BCL11B: variants seen among roughly 807,000 people sequenced by gnomAD.
The protein encoded by BCL11B is B-cell lymphoma/leukemia 11B.
A neutral mutation model predicts 49.9 loss-of-function variants in BCL11B; 8 were observed. That is an observed-to-expected ratio of 0.16 (90% CI 0.09 to 0.29). The LOEUF (loss-of-function observed/expected upper bound fraction) is 0.29, where lower values mean the gene tolerates loss of function less well. BCL11B is among the 10% of genes least tolerant of loss of function. BCL11B has a pLI of 1.00. For missense variants in BCL11B, 1,006 were observed against 1,351.0 expected (o/e 0.74, Z 4.00); for synonymous variants, 739 against 637.4 (o/e 1.16, Z -2.40).
At chr14:99,180,055 C>T (rs1886656527) in intron 3 of BCL11B, among the ~76,000 whole-genome samples, 1 of 152,280 alleles carries the variant, frequency 6.6e-6, no homozygotes, top group East Asian at 1.9e-4. Flanking sequence ...TGACTGGGGG[C>T]TGGCCCACTC....
intron 3 of BCL11B, among the ~76,000 whole-genome samples, chr14:99,221,527 C>A (rs1888008053): frequency 6.6e-6 from 1 of 152,232 alleles, no homozygotes; most frequent in African/African-American, 2.4e-5. Flanking sequence ...CACAAGCTCA[C>A]TCCTCTCCCT....
At chr14:99,200,905 C>T (rs1423014791) in intron 3 of BCL11B, among the ~76,000 whole-genome samples, 1 of 152,186 alleles carries the variant, frequency 6.6e-6, no homozygotes, top group African/African-American at 2.4e-5. Flanking sequence ...GGAAGCAGCC[C>T]CCCAGTGGTC....
rs557974242 is a variant in BCL11B at position 99,257,334 on chromosome 14, A to C, written c.427+137T>G. The C allele has an allele frequency of 2.2e-5, 27 of 1,213,722 alleles. No individual in the cohort carries two copies. In the South Asian group the frequency reaches 4.8e-4, roughly 22 times the overall value. 75.2% of individuals were successfully genotyped at this position (1,213,722 alleles called of 1,614,324 possible). ...TCACCTGGATGGTGGACCCTCAGAA[A>C]GGGGGAGCCCCGGCTGGTGGCCCAG... On this transcript the variant is annotated intron_variant, in intron 2 of 3. Transcript: ENST00000357195. This position sits in a 1 kb window ranked among gnomAD's most constrained non-coding sequence, Gnocchi z 6.2.
chr14:99,208,607 C>T (rs367554283), intron 3 of BCL11B, among the ~76,000 whole-genome samples: 38 of 152,326 alleles, frequency 2.5e-4, no homozygotes, highest in African/African-American at 8.7e-4. Flanking sequence ...AGGGGGCCTT[C>T]AGGTTCCCTT....
chr14:99,212,706 G>A lies in BCL11B; in HGVS notation c.640+18639C>T, dbSNP rs546526911. ...ACTTCCCAGAGAACAACCCCTCCAC[G>A]CCCCACCCCCAGGAGCTGAAGCTGG... On this transcript the variant is annotated intron_variant, in intron 3 of 3. Transcript: ENST00000357195. Among the ~76,000 whole-genome samples, 13 of 152,138 alleles carry A rather than the reference G, an allele frequency of 8.5e-5. No homozygotes were observed. In the East Asian group the frequency reaches 2.5e-3, roughly 30 times the overall value.
Position 99,172,925 on chromosome 14 carries a change from A to C in BCL11B, c.*1226T>G, listed in dbSNP as rs1465670273. 1 of 228,508 alleles carries C rather than the reference A, an allele frequency of 4.4e-6. No individual in the cohort carries two copies. The highest frequency in any genetic ancestry group is 2.2e-5 in the African/African-American group (1 of 45,018). The allele number at this position is 228,508 out of a possible 1,614,324, so 14.2% of individuals were successfully genotyped here. Reference sequence around the variant, plus strand: ...TCCCCTGCTTTTTCAGTAAAAGAGAATAGAAATTTGCAAGATCCCCACCCC... The same window carrying C: ...TCCCCTGCTTTTTCAGTAAAAGAGACTAGAAATTTGCAAGATCCCCACCCC... On this transcript the variant is annotated 3_prime_UTR_variant, in exon 4 of 4. Transcript: ENST00000357195.
In BCL11B at chr14:99,174,747, G is replaced by A. The variant is rs145319589; in HGVS notation, c.2089C>T (p.Pro697Ser). The change falls in exon 4 of 4, where the codon CCG becomes TCG. Residue 697 changes from proline (P) to serine (S), a missense_variant. This residue lies in a region of BCL11B where 443 missense variants were observed against 499.7 expected (regional missense o/e 0.89). Coordinates refer to ENST00000357195, the MANE Select transcript of BCL11B (RefSeq NM_138576.4). ...RIKVEKDLEL[P>S]PAALIPSENV... ...TCGGACGGGATGAGCGCGGCGGGCG[G>A]CAGCTCCAGGTCCTTCTCCACCTTG... The A allele has an allele frequency of 8.5e-6, 13 of 1,520,558 alleles. No homozygotes were observed. Among genetic ancestry groups the A allele is most frequent in the Non-Finnish European group, 1.1e-5 (13 of 1,134,486 alleles). The allele number at this position is 1,520,558 out of a possible 1,614,324, so 94.2% of individuals were successfully genotyped here. A position where few individuals can be genotyped will look rare whatever the true frequency, so the allele number is the denominator to read the frequency against.
At chr14:99,238,049 G>A (rs1400165643) in intron 2 of BCL11B, among the ~76,000 whole-genome samples, 1 of 151,900 alleles carries the variant, frequency 6.6e-6, no homozygotes, top group African/African-American at 2.4e-5. Flanking sequence ...TTCCCCACAG[G>A]CCACCCACGA....
At chr14:99,229,276 T>C (rs1888259329) in intron 3 of BCL11B, among the ~76,000 whole-genome samples, 1 of 152,172 alleles carries the variant, frequency 6.6e-6, no homozygotes, top group Admixed American at 6.5e-5. Flanking sequence ...AAGGCACACA[T>C]GCCCAGCACA....
intron 2 of BCL11B, among the ~76,000 whole-genome samples, chr14:99,238,018 C>A (rs530677467): frequency 6.6e-6 from 1 of 152,218 alleles, no homozygotes; most frequent in East Asian, 1.9e-4. Flanking sequence ...ACCATCACTT[C>A]CACAAACGGC....
chr14:99,171,173 G>A lies in BCL11B; in HGVS notation c.*2978C>T. ...CAAGGAGCCTTGATGCAAGGTTCGGGGCGTTCAGAGAGAAGCCCAACACGA... is the reference window on the plus strand; with the variant it reads ...CAAGGAGCCTTGATGCAAGGTTCGGAGCGTTCAGAGAGAAGCCCAACACGA... On this transcript the variant is annotated 3_prime_UTR_variant, in exon 4 of 4. Transcript: ENST00000357195. 1 of 228,710 alleles carries A rather than the reference G, an allele frequency of 4.4e-6. No individual in the cohort carries two copies. 14.2% of individuals were successfully genotyped at this position (228,710 alleles called of 1,614,324 possible). A position where few individuals can be genotyped will look rare whatever the true frequency, so the allele number is the denominator to read the frequency against.
intron 3 of BCL11B, among the ~76,000 whole-genome samples, chr14:99,198,929 GC>G (rs1887260574): frequency 6.6e-6 from 1 of 152,132 alleles, no homozygotes; most frequent in East Asian, 1.9e-4. Context: ...GTGCACCCCA[GC>G]CCCGTGACAC....
intron 3 of BCL11B, among the ~76,000 whole-genome samples, chr14:99,208,683 G>A (rs1595247411): frequency 6.6e-6 from 1 of 152,196 alleles, no homozygotes; most frequent in South Asian, 2.1e-4. Context: ...TCGGGGCAGG[G>A]CCCCTTCCCA....
Position 99,174,864 on chromosome 14 carries a change from A to G in BCL11B, c.1972T>C (p.Phe658Leu). ...GGAVNGRGGG[F>L]APGTEPFPGL... ...GGGAAGGGCTCGGTGCCTGGCGCGA[A>G]GCCGCCCCCGCGCCCGTTGACCGCG... Residue 658 changes from phenylalanine to leucine, a missense_variant, in exon 4 of 4, where the codon TTC becomes CTC. By Grantham distance (22) the Phe-to-Leu change is conservative. Coordinates refer to ENST00000357195, the MANE Select transcript of BCL11B (RefSeq NM_138576.4). The G allele has an allele frequency of 5.0e-6, 6 of 1,193,880 alleles. No homozygotes were observed. Among genetic ancestry groups the G allele is most frequent in the Non-Finnish European group, 6.2e-6 (6 of 964,566 alleles). The allele number at this position is 1,193,880 out of a possible 1,614,324, so 74.0% of individuals were successfully genotyped here.
chr14:99,199,663 TGTGTGTGTGTGTGTGTGTGTGC>T (rs1451131749), intron 3 of BCL11B, among the ~76,000 whole-genome samples: 1 of 83,020 alleles, frequency 1.2e-5, no homozygotes, highest in African/African-American at 4.8e-5. Context: ...TGTGTGTGTG[TGTGTGTGTGTGTGTGTGTGTGC>T]GCGCGCGCGC....
rs1050630592 is a variant in BCL11B at position 99,242,092 on chromosome 14, C to T, written c.428-10535G>A. Among the ~76,000 whole-genome samples the T allele has an allele frequency of 2.0e-5, 3 of 152,054 alleles. No individual in the cohort carries two copies. Among genetic ancestry groups the T allele is most frequent in the East Asian group, 1.9e-4 (1 of 5,180 alleles). Reference sequence around the variant, plus strand: ...ATCAGGGAGAGGGAGCAGGGGCAGGCGGCGCTGAAGGAAGACTTTCTGAGC... The same window carrying T: ...ATCAGGGAGAGGGAGCAGGGGCAGGTGGCGCTGAAGGAAGACTTTCTGAGC... On this transcript the variant is annotated intron_variant, in intron 2 of 3. Transcript: ENST00000357195. This position sits in a 1 kb window ranked among gnomAD's most constrained non-coding sequence, Gnocchi z 4.4.
At chr14:99,229,031 G>GATGC (rs1275371770) in intron 3 of BCL11B, among the ~76,000 whole-genome samples, 8 of 123,614 alleles carry the variant, frequency 6.5e-5, no homozygotes, top group Non-Finnish European at 1.2e-4. Flanking sequence ...TGGATGGATG[G>GATGC]ATGGATGGAT....
Position 99,199,720 on chromosome 14 carries a change from GCA to G in BCL11B, c.641-23527_641-23526del, listed in dbSNP as rs1887318367. Among the ~76,000 whole-genome samples, 10 of 135,274 alleles carry G rather than the reference GCA, an allele frequency of 7.4e-5. 1 individual carries two copies. The highest frequency in any genetic ancestry group is 7.1e-4 in the Admixed American group (10 of 13,994). The allele number at this position is 135,274 out of a possible 152,430, so 88.7% of individuals were successfully genotyped here. ...CGCACGTGCACGTGTGTGCGTGTGT[GCA>G]TGCATATGTGTGTGTGTACACAAAA... is the stretch of plus-strand genomic sequence containing the variant. On this transcript the variant is annotated intron_variant, in intron 3 of 3. Transcript: ENST00000357195.
chr14:99,213,680 C>A lies in BCL11B; in HGVS notation c.640+17665G>T, dbSNP rs1334978881. Among the ~76,000 whole-genome samples the A allele has an allele frequency of 6.6e-6, 1 of 152,192 alleles. No homozygotes were observed. The highest frequency in any genetic ancestry group is 1.5e-5 in the Non-Finnish European group (1 of 68,038). The stretch of plus-strand genomic sequence containing the variant: ...ATGAGCTTGGGCAGAGCACAAAGGT[C>A]TAAGGGGAAGGCATAGAGTCCAGCG... On this transcript the variant is annotated intron_variant, in intron 3 of 3. Transcript: ENST00000357195. The surrounding 1 kb of genome is among the most constrained non-coding windows in gnomAD (Gnocchi z 5.1).
Sources: allele counts gnomAD v4.1 joint callset (sites outside exome capture counted in the v4.1 genomes callset), GRCh38; gene constraint gnomAD v4.1.1; regional missense constraint gnomAD v4.1.1; non-coding constraint Gnocchi (gnomAD v3.1); transcripts MANE v1.5; gene names NCBI Gene and HGNC (gene_info 2026-07-23, HGNC 2026-07-21).